The following PRKN variants were observed in gnomAD, a reference collection of about 807,000 sequenced individuals.
PRKN encodes E3 ubiquitin-protein ligase parkin.
A neutral mutation model predicts 59.5 loss-of-function variants in PRKN; 56 were observed. That is an observed-to-expected ratio of 0.94 (90% CI 0.76 to 1.18). PRKN has a LOEUF of 1.18. PRKN is among the 50% of genes most tolerant of loss of function. PRKN has a pLI of 0.00. For synonymous variants in PRKN, 250 were observed against 222.1 expected, an observed-to-expected ratio of 1.13 and a Z score of -1.12; for missense variants, 657 against 596.4, an observed-to-expected ratio of 1.10 and a Z score of -1.06.
intron 7 of PRKN, among the ~76,000 whole-genome samples, chr6:161,746,746 TGCAC>T (rs1356326386): frequency 8.9e-5 from 13 of 145,974 alleles, no homozygotes; most frequent in African/African-American, 3.3e-4. Flanking sequence ...ATTCTAGATA[TGCAC>T]ATATATATCT....
At chr6:161,590,284 C>T (rs1382520332) in intron 7 of PRKN, among the ~76,000 whole-genome samples, 1 of 152,102 alleles carries the variant, frequency 6.6e-6, no homozygotes, top group Non-Finnish European at 1.5e-5. Context: ...ACAACATCCT[C>T]CTCCAACACT....
chr6:162,299,643 AT>A (rs1781852582), intron 2 of PRKN, among the ~76,000 whole-genome samples: 1 of 151,356 alleles, frequency 6.6e-6, no homozygotes, highest in Admixed American at 6.6e-5. Flanking sequence ...TTATATATAT[AT>A]GTATTTATTC....
At chr6:161,650,650 C>T (rs1179872814) in intron 7 of PRKN, among the ~76,000 whole-genome samples, 5 of 152,278 alleles carry the variant, frequency 3.3e-5, no homozygotes, top group African/African-American at 1.2e-4. Context: ...GGTACTCGGC[C>T]TTTCAATTTT....
chr6:162,707,358 T>C (rs1486787287), intron 1 of PRKN, among the ~76,000 whole-genome samples: 4 of 152,186 alleles, frequency 2.6e-5, no homozygotes. Flanking sequence ...TAATAACTGA[T>C]GATTCCAAGA....
rs1778032566 is a variant in PRKN at position 161,503,407 on chromosome 6, C to T, written c.1083+45447G>A. The stretch of plus-strand genomic sequence containing the variant: ...TGTGGGTTATTCAGGTCATTCTCAC[C>T]ACAAATATATGGGATAAGTACCATT... On this transcript the variant is annotated intron_variant, in intron 9 of 11. Transcript: ENST00000366898. The surrounding 1 kb of genome is among the most constrained non-coding windows in gnomAD (Gnocchi z 5.1). Among the ~76,000 whole-genome samples, 1 of 152,164 alleles carries T rather than the reference C, an allele frequency of 6.6e-6. No homozygotes were observed. The highest frequency in any genetic ancestry group is 6.5e-5 in the Admixed American group (1 of 15,278).
chr6:162,026,998 G>A (rs1195200819), intron 5 of PRKN, among the ~76,000 whole-genome samples: 3 of 152,122 alleles, frequency 2.0e-5, no homozygotes, highest in Non-Finnish European at 4.4e-5. Context: ...TGAATTCCTA[G>A]TTAATAGATA....
chr6:161,361,060 G>A lies in PRKN; in HGVS notation c.1168-855C>T, dbSNP rs1330110236. Among the ~76,000 whole-genome samples the A allele has an allele frequency of 1.3e-5, 2 of 151,690 alleles. No homozygotes were observed. The highest frequency in any genetic ancestry group is 2.9e-5 in the Non-Finnish European group (2 of 67,956). On this transcript the variant is annotated intron_variant, in intron 10 of 11. Coordinates refer to ENST00000366898, the MANE Select transcript of PRKN (RefSeq NM_004562.3). This position sits in a 1 kb window ranked among gnomAD's most constrained non-coding sequence, Gnocchi z 5.2. ...TGCTGCCTGCACCATCATGTATAAG[G>A]AGGTTTTCTGGTGGGGGTGGAAGCA...
intron 1 of PRKN, among the ~76,000 whole-genome samples, chr6:162,516,506 C>T (rs1417956605): frequency 2.0e-5 from 3 of 152,132 alleles, no homozygotes; most frequent in African/African-American, 7.2e-5. Flanking sequence ...AATCCCAGCA[C>T]TTTGGGAGGC....
chr6:161,909,672 G>A (rs1358499756), intron 6 of PRKN, among the ~76,000 whole-genome samples: 1 of 152,146 alleles, frequency 6.6e-6, no homozygotes, highest in Non-Finnish European at 1.5e-5. Context: ...TGCTTCCGCT[G>A]GACAGTGTCT....
rs10689017 is a variant in PRKN at position 161,425,103 on chromosome 6, ACT to A, written c.1084-38228_1084-38227del. Among the ~76,000 whole-genome samples, 4 of 151,602 alleles carry A rather than the reference ACT, an allele frequency of 2.6e-5. 1 individual carries two copies. Among genetic ancestry groups the A allele is most frequent in the African/African-American group, 9.7e-5 (4 of 41,236 alleles). ...GTGCCTATGTGCTGAGTTAGGCATG[ACT>A]CTCTTTCTCTGTCTCCTCTCTCTCA... On this transcript the variant is annotated intron_variant, in intron 9 of 11. Coordinates refer to ENST00000366898, the MANE Select transcript of PRKN (RefSeq NM_004562.3).
intron 7 of PRKN, among the ~76,000 whole-genome samples, chr6:161,696,800 C>A (rs910157506): frequency 6.6e-6 from 1 of 152,174 alleles, no homozygotes. Context: ...CACAAATGCA[C>A]TACTACTTTG....
intron 4 of PRKN, among the ~76,000 whole-genome samples, chr6:162,188,775 T>G (rs1244965747): frequency 7.9e-6 from 1 of 126,078 alleles, no homozygotes; most frequent in Non-Finnish European, 1.7e-5. Flanking sequence ...TTCCTTAGAT[T>G]TCGTTTTTTT....
intron 1 of PRKN, among the ~76,000 whole-genome samples, chr6:162,499,573 A>G (rs1793267968): frequency 6.6e-6 from 1 of 152,206 alleles, no homozygotes; most frequent in South Asian, 2.1e-4. Context: ...AAGAGAACAG[A>G]CAATTAACTG....
intron 1 of PRKN, among the ~76,000 whole-genome samples, chr6:162,522,101 C>T (rs34729167): frequency 0.11 from 16,168 of 152,164 alleles, 1,147 homozygotes; most frequent in South Asian, 0.19. Context: ...AATATTAATA[C>T]TTGTATGATC....
Position 161,498,643 on chromosome 6 carries a change from A to C in PRKN, c.1083+50211T>G, listed in dbSNP as rs1319975542. 1.3e-5 allele frequency among the ~76,000 whole-genome samples: 2 copies of C among 152,152 alleles called. No homozygotes were observed. Among genetic ancestry groups the C allele is most frequent in the Non-Finnish European group, 2.9e-5 (2 of 68,044 alleles). ...TCCCACCATCCTGCTTCCTGAAGGA[A>C]GGGCTCCACCTGCCGACCCTGATGG... On this transcript the variant is annotated intron_variant, in intron 9 of 11. Transcript: ENST00000366898. The surrounding 1 kb of genome is among the most constrained non-coding windows in gnomAD (Gnocchi z 4.2).
At chr6:162,162,737 C>T (rs905607439) in intron 4 of PRKN, among the ~76,000 whole-genome samples, 3 of 152,026 alleles carry the variant, frequency 2.0e-5, no homozygotes, top group South Asian at 2.1e-4. Flanking sequence ...TGGCCGGGTG[C>T]GGTGGCTCAT....
intron 9 of PRKN, among the ~76,000 whole-genome samples, chr6:161,523,772 A>G (rs1346554163): frequency 6.6e-6 from 1 of 152,176 alleles, no homozygotes; most frequent in Admixed American, 6.5e-5. Context: ...GTATCCTTTT[A>G]TCTTTCTCTG....
intron 5 of PRKN, among the ~76,000 whole-genome samples, chr6:162,012,637 G>C (rs756133179): frequency 1.3e-5 from 2 of 151,998 alleles, no homozygotes; most frequent in Non-Finnish European, 2.9e-5. Flanking sequence ...GAGCAAATCT[G>C]ATCCTTACTT....
chr6:161,875,032 TA>T (rs1251762220), intron 6 of PRKN, among the ~76,000 whole-genome samples: 1 of 112,648 alleles, frequency 8.9e-6, no homozygotes, highest in South Asian at 2.5e-4. Flanking sequence ...GTATATAATA[TA>T]ATAAATTATA....
Sources: allele counts gnomAD v4.1 joint callset (sites outside exome capture counted in the v4.1 genomes callset), GRCh38; gene constraint gnomAD v4.1.1; non-coding constraint Gnocchi (gnomAD v3.1); transcripts MANE v1.5; gene names NCBI Gene and HGNC (gene_info 2026-07-23, HGNC 2026-07-21).